The following PSAT1 variants were observed in gnomAD, a reference collection of about 807,000 sequenced individuals.
PSAT1 encodes the protein phosphoserine aminotransferase 1, also known as phosphoserine aminotransferase.
PSAT1 carries 41 observed loss-of-function variants against 40.3 expected under a neutral mutation model. That is an observed-to-expected ratio of 1.02 (90% CI 0.79 to 1.32). The LOEUF is 1.32. Among genes scored for constraint, PSAT1 ranks in the 40% most tolerant of loss-of-function variants. The pLI is 0.00. For missense variants in PSAT1, 406 were observed against 455.8 expected, an observed-to-expected ratio of 0.89 and a Z score of 0.99; for synonymous variants, 147 against 170.5, an observed-to-expected ratio of 0.86 and a Z score of 1.07.
intron 7 of PSAT1, among the ~76,000 whole-genome samples, chr9:78,325,877 A>T (rs1475346998): frequency 6.6e-6 from 1 of 152,208 alleles, no homozygotes; most frequent in Non-Finnish European, 1.5e-5. Context: ...GGTAAATTGC[A>T]GGGAGAGGAA....
intron 3 of PSAT1, among the ~76,000 whole-genome samples, chr9:78,302,705 G>A (rs1270826283): frequency 7.3e-6 from 1 of 137,680 alleles, no homozygotes; most frequent in African/African-American, 2.9e-5. Context: ...CTGCATTCCA[G>A]CTTAGGTGAC....
chr9:78,297,341 C>G (rs1298748473), intron 1 of PSAT1, 71 bp downstream of exon 1: 1 of 1,504,104 alleles, frequency 6.6e-7, no homozygotes, highest in Non-Finnish European at 9.0e-7. Flanking sequence ...GTTTGCATCC[C>G]TGCGTGTGGC....
intron 6 of PSAT1, 60 bp downstream of exon 6, chr9:78,308,643 C>A: frequency 6.3e-6 from 10 of 1,584,786 alleles, no homozygotes; most frequent in Non-Finnish European, 8.6e-6. Context: ...TTCATCAAAG[C>A]GGAGGTTACA....
At chr9:78,306,249 T>C in intron 4 of PSAT1, 65 bp from the exon 5 acceptor site, 5 of 1,568,730 alleles carry the variant, frequency 3.2e-6, no homozygotes, top group South Asian at 2.2e-5. Flanking sequence ...CCTGGTTGAC[T>C]CCCATCTATG....
At chr9:78,298,864 A>T (rs929706355) in intron 1 of PSAT1, among the ~76,000 whole-genome samples, 3 of 152,158 alleles carry the variant, frequency 2.0e-5, no homozygotes, top group Non-Finnish European at 4.4e-5. Context: ...ATGACAAAGT[A>T]TACACATTCA....
At chr9:78,301,884 C>T (rs920543010) in intron 2 of PSAT1, 70 bp from the exon 3 acceptor site, 18 of 1,211,016 alleles carry the variant, frequency 1.5e-5, no homozygotes, top group African/African-American at 3.0e-5. Context: ...TTGCAAATTT[C>T]GTAGGTATTT....
intron 4 of PSAT1, 116 bp from the exon 5 acceptor site, chr9:78,306,198 A>G: frequency 3.7e-6 from 4 of 1,086,792 alleles, no homozygotes; most frequent in Non-Finnish European, 5.7e-6. Context: ...AATGCTTTGG[A>G]GTCAGTTAGT....
rs1198701902 is a variant in PSAT1, at chr9:78,301,968, T to C, written c.136T>C (p.Ser46Pro). 1 of 1,610,606 alleles carries C rather than the reference T, an allele frequency of 6.2e-7. No individual in the cohort carries two copies. Among genetic ancestry groups the C allele is most frequent in the South Asian group, 1.1e-5 (1 of 91,010 alleles). Residue 46 changes from serine (S) to proline (P), a missense_variant, in exon 3 of 9, where the codon TCA becomes CCA. Transcript: ENST00000376588. ...TCCTTTCACAGAAATGAGTCACAGG[T>C]CATCAGATTTTGCCAAGATTATTAA... ...GISVLEMSHR[S>P]SDFAKIINNT... is the part of the protein sequence containing the mutation.
intron 7 of PSAT1, among the ~76,000 whole-genome samples, chr9:78,327,149 G>T (rs138710550): frequency 6.7e-6 from 1 of 150,190 alleles, no homozygotes; most frequent in African/African-American, 2.5e-5. Context: ...TTTCAGTCGA[G>T]ATGGGGTTTC....
chr9:78,312,450 C>G (rs879928749), intron 6 of PSAT1, among the ~76,000 whole-genome samples: 55 of 152,090 alleles, frequency 3.6e-4, no homozygotes, highest in Non-Finnish European at 5.7e-4. Flanking sequence ...AATCCCAGCA[C>G]TTTGGGAGGT....
At chr9:78,309,378 T>A (rs904562613) in intron 6 of PSAT1, among the ~76,000 whole-genome samples, 1 of 152,254 alleles carries the variant, frequency 6.6e-6, no homozygotes, top group Non-Finnish European at 1.5e-5. Context: ...TGTTGTTGTT[T>A]TTTGAGACGG....
At chr9:78,304,556 A>G (rs895228937) in intron 3 of PSAT1, among the ~76,000 whole-genome samples, 179 bp from the exon 4 acceptor site, 26 of 152,212 alleles carry the variant, frequency 1.7e-4, no homozygotes, top group African/African-American at 6.3e-4. Flanking sequence ...TCCAGTAAAT[A>G]GTTGTCCAAG....
intron 7 of PSAT1, among the ~76,000 whole-genome samples, chr9:78,321,059 C>T (rs750869127): frequency 1.7e-4 from 26 of 152,152 alleles, no homozygotes; most frequent in Non-Finnish European, 3.2e-4. Context: ...TAAACCTGGG[C>T]CTCTCCCAGA....
chr9:78,300,709 GCTTT>G, intron 2 of PSAT1, 47 bp downstream of exon 2: 1 of 1,176,106 alleles, frequency 8.5e-7, no homozygotes, highest in Non-Finnish European at 1.1e-6. Flanking sequence ...TTCAAAGGAA[GCTTT>G]TTTTTTTTTT....
chr9:78,297,323 G>A, intron 1 of PSAT1, 53 bp downstream of exon 1: 2 of 1,553,308 alleles, frequency 1.3e-6, no homozygotes, highest in Non-Finnish European at 8.7e-7. Flanking sequence ...GAGCACGCAC[G>A]CGGGTGGGTT....
intron 6 of PSAT1, among the ~76,000 whole-genome samples, chr9:78,316,432 A>T (rs1828345501): frequency 6.6e-6 from 1 of 152,128 alleles, no homozygotes; most frequent in East Asian, 1.9e-4. Context: ...TTTCCTAGAA[A>T]CATGATCCCC....
intron 1 of PSAT1, chr9:78,298,456 C>T: frequency 2.0e-6 from 2 of 983,674 alleles, no homozygotes; most frequent in Non-Finnish European, 2.4e-6. Context: ...CTAGGGGCAG[C>T]GCTCACAGTA....
intron 6 of PSAT1, among the ~76,000 whole-genome samples, chr9:78,316,486 C>T (rs573050637): frequency 4.6e-5 from 7 of 152,166 alleles, no homozygotes; most frequent in African/African-American, 1.4e-4. Context: ...AATATTCTGC[C>T]GCTTTTTCTG....
chr9:78,322,299 C>A (rs577242462), intron 7 of PSAT1, among the ~76,000 whole-genome samples: 1 of 152,222 alleles, frequency 6.6e-6, no homozygotes, highest in African/African-American at 2.4e-5. Context: ...ATGAAGCAGG[C>A]AGAGTCCTAG....
Sources: allele counts gnomAD v4.1 joint callset (sites outside exome capture counted in the v4.1 genomes callset), GRCh38; gene constraint gnomAD v4.1.1; transcripts MANE v1.5; gene names NCBI Gene and HGNC (gene_info 2026-07-23, HGNC 2026-07-21).